HLCS: variants seen among roughly 807,000 people sequenced by gnomAD.
HLCS encodes holocarboxylase synthetase, also known as biotin--protein ligase.
HLCS carries 53 observed loss-of-function variants against 75.0 expected under a neutral mutation model. The observed-to-expected ratio is 0.71, with a 90% CI of 0.57 to 0.89. HLCS has a LOEUF of 0.89. Among genes scored for constraint, HLCS ranks in the 40% least tolerant of loss-of-function variants. The pLI is 0.00. For synonymous variants in HLCS, 431 were observed against 428.6 expected, an observed-to-expected ratio of 1.01 and a Z score of -0.07; for missense variants, 966 against 1,074.0, an observed-to-expected ratio of 0.90 and a Z score of 1.41.
chr21:36,848,054 T>C (rs2835490), intron 6 of HLCS, among the ~76,000 whole-genome samples: 18,166 of 152,232 alleles, frequency 0.12, 1,485 homozygotes, highest in Non-Finnish European at 0.18. Flanking sequence ...GCTTCTATTT[T>C]TCTGTATTAT....
intron 5 of HLCS, among the ~76,000 whole-genome samples, chr21:36,899,790 T>C (rs1344344326): frequency 5.3e-5 from 8 of 152,188 alleles, no homozygotes; most frequent in Middle Eastern, 3.4e-3. Context: ...GGAGGGTTAA[T>C]GCTATAATGT....
chr21:36,828,634 T>C (rs1251666415), intron 6 of HLCS, among the ~76,000 whole-genome samples: 1 of 152,130 alleles, frequency 6.6e-6, no homozygotes, highest in East Asian at 1.9e-4. Flanking sequence ...TTCACCAGAG[T>C]TAATTTTTTA....
At chr21:36,907,766 G>A (rs1157763754) in intron 5 of HLCS, among the ~76,000 whole-genome samples, 8 of 151,964 alleles carry the variant, frequency 5.3e-5, no homozygotes, top group African/African-American at 1.9e-4. Context: ...ACTTGTATCC[G>A]GAATATAAAA....
chr21:36,955,166 C>T (rs1014883025), intron 2 of HLCS, among the ~76,000 whole-genome samples: 2 of 152,172 alleles, frequency 1.3e-5, no homozygotes, highest in Non-Finnish European at 2.9e-5. Flanking sequence ...GCTCCATGCA[C>T]GTTACTGCCC....
intron 6 of HLCS, among the ~76,000 whole-genome samples, chr21:36,778,705 TTTTAA>T (rs776845932): frequency 5.4e-4 from 83 of 152,370 alleles, no homozygotes; most frequent in Non-Finnish European, 1.1e-3. Flanking sequence ...ATTATTTATC[TTTTAA>T]TTTATTTATA....
chr21:36,941,001 C>G (rs886302976), intron 2 of HLCS, among the ~76,000 whole-genome samples: 1 of 152,176 alleles, frequency 6.6e-6, no homozygotes, highest in Non-Finnish European at 1.5e-5. Context: ...CACCTGAGCT[C>G]AGGAGTTCAT....
At chr21:36,894,860 A>C (rs1005589286) in intron 6 of HLCS, among the ~76,000 whole-genome samples, 2 of 137,630 alleles carry the variant, frequency 1.5e-5, no homozygotes, top group African/African-American at 5.7e-5. Flanking sequence ...TTTTTTTTTT[A>C]AGTTTAATAT....
At chr21:36,908,385 G>A (rs1351852622) in intron 5 of HLCS, among the ~76,000 whole-genome samples, 5 of 138,994 alleles carry the variant, frequency 3.6e-5, no homozygotes, top group Admixed American at 7.3e-5. Flanking sequence ...GCAAGATCCT[G>A]TCTCTTAAAA....
At chr21:36,966,861 T>C (rs1269557900), upstream of HLCS, among the ~76,000 whole-genome samples, 1 of 138,618 alleles carries the variant, frequency 7.2e-6, no homozygotes, top group Non-Finnish European at 1.6e-5. Context: ...GATGGGGAGC[T>C]CCGGAGGCCG....
At chr21:36,897,816 A>G (rs1434520271) in intron 5 of HLCS, among the ~76,000 whole-genome samples, 2 of 152,026 alleles carry the variant, frequency 1.3e-5, no homozygotes, top group African/African-American at 2.4e-5. Flanking sequence ...TATCCCCAAA[A>G]CCACAAGGCT....
At chr21:36,886,819 T>C (rs1227738484) in intron 6 of HLCS, among the ~76,000 whole-genome samples, 4 of 152,096 alleles carry the variant, frequency 2.6e-5, no homozygotes, top group African/African-American at 7.2e-5. Flanking sequence ...CTTTCTGCCA[T>C]GTGCGGATAC....
chr21:36,776,787 C>T (rs993761972), intron 6 of HLCS, among the ~76,000 whole-genome samples: 3 of 152,226 alleles, frequency 2.0e-5, no homozygotes, highest in Admixed American at 2.0e-4. Context: ...ACTGTAGGCT[C>T]TGCAGCCGTA....
chr21:36,784,057 A>G (rs1052660152), intron 6 of HLCS, among the ~76,000 whole-genome samples: 1 of 152,104 alleles, frequency 6.6e-6, no homozygotes. Context: ...CCTTTGACTG[A>G]GCACCCATCC....
intron 10 of HLCS, among the ~76,000 whole-genome samples, chr21:36,755,754 G>T (rs1321936206): frequency 1.3e-5 from 2 of 152,264 alleles, no homozygotes; most frequent in Non-Finnish European, 2.9e-5. Context: ...TGTGGAATCA[G>T]TGAGCGGTCC....
At chr21:36,833,392 C>T (rs2062283776) in intron 6 of HLCS, among the ~76,000 whole-genome samples, 1 of 151,190 alleles carries the variant, frequency 6.6e-6, no homozygotes. Flanking sequence ...CAAGACCAGC[C>T]TGGCCAACAT....
At chr21:36,877,627 G>A in intron 6 of HLCS, among the ~76,000 whole-genome samples, 1 of 152,110 alleles carries the variant, frequency 6.6e-6, no homozygotes, top group East Asian at 1.9e-4. Context: ...GCTTTAGGTA[G>A]ATATATGTGT....
chr21:36,939,832 G>A (rs532991610), intron 2 of HLCS, among the ~76,000 whole-genome samples: 5 of 152,210 alleles, frequency 3.3e-5, no homozygotes, highest in Admixed American at 2.6e-4. Context: ...GTCTGTCCTC[G>A]GGCAAGCTTC....
chr21:36,947,049 G>A (rs941349692), intron 2 of HLCS, among the ~76,000 whole-genome samples: 1 of 152,176 alleles, frequency 6.6e-6, no homozygotes, highest in African/African-American at 2.4e-5. Context: ...GCAACCTCCC[G>A]CGGGAAGCTA....
intron 6 of HLCS, among the ~76,000 whole-genome samples, chr21:36,770,197 G>A (rs528671610): frequency 7.0e-6 from 1 of 142,770 alleles, no homozygotes; most frequent in South Asian, 2.2e-4. Context: ...CCAGGCTAGA[G>A]TGCAGTGGCA....
Sources: allele counts gnomAD v4.1 joint callset (sites outside exome capture counted in the v4.1 genomes callset), GRCh38; gene constraint gnomAD v4.1.1; transcripts MANE v1.5; gene names NCBI Gene and HGNC (gene_info 2026-07-23, HGNC 2026-07-21).